KCMF1: variants seen among roughly 807,000 people sequenced by gnomAD.
KCMF1 encodes the protein E3 ubiquitin-protein ligase KCMF1.
In KCMF1, 3 loss-of-function variants were observed where a neutral mutation model predicts 41.1. That is an observed-to-expected ratio of 0.07 (90% CI 0.03 to 0.19). The LOEUF (loss-of-function observed/expected upper bound fraction) is 0.19. Ranked by LOEUF, KCMF1 falls within the 10% of genes least tolerant of loss-of-function variation. The probability of loss-of-function intolerance (pLI) is 1.00; values close to 1 mark genes in which losing one functional copy is unlikely to be tolerated. For synonymous variants in KCMF1, 142 were observed against 164.5 expected (o/e 0.86, Z 1.04); for missense variants, 286 against 488.9 (o/e 0.58, Z 3.91).
chr2:84,998,136 A>T (rs1460112997), intron 1 of KCMF1, among the ~76,000 whole-genome samples: 3 of 151,504 alleles, frequency 2.0e-5, no homozygotes, highest in Non-Finnish European at 4.4e-5. Context: ...TTGTTGCCCA[A>T]GCTGGAGTGC....
At chr2:85,022,886 C>CTT (rs34732141) in intron 1 of KCMF1, among the ~76,000 whole-genome samples, 3,671 of 111,710 alleles carry the variant, frequency 0.033, 310 homozygotes, top group African/African-American at 0.089. Flanking sequence ...TGTATGTATT[C>CTT]TTTTTTTTTT....
intron 6 of KCMF1, 49 bp from the exon 7 acceptor site, chr2:85,053,099 T>C (rs1675846135): frequency 6.5e-7 from 1 of 1,528,224 alleles, no homozygotes; most frequent in East Asian, 2.4e-5. Context: ...GCCATGCCAT[T>C]GTTCATTGAC....
intron 1 of KCMF1, among the ~76,000 whole-genome samples, chr2:84,979,587 A>G (rs187689489): frequency 1.6e-4 from 24 of 152,020 alleles, no homozygotes; most frequent in Non-Finnish European, 3.4e-4. Context: ...TATGGACTCA[A>G]AGGAAGCGCT....
At chr2:84,974,702 T>TTTTTA (rs1673501385) in intron 1 of KCMF1, among the ~76,000 whole-genome samples, 1 of 78,400 alleles carries the variant, frequency 1.3e-5, no homozygotes, top group African/African-American at 4.9e-5. Flanking sequence ...TTTTTTTTTT[T>TTTTTA]TTTTTTTTTT....
intron 1 of KCMF1, among the ~76,000 whole-genome samples, chr2:84,983,790 C>T (rs1269363110): frequency 2.6e-5 from 4 of 152,040 alleles, no homozygotes; most frequent in Non-Finnish European, 4.4e-5. Context: ...GGATTACAGG[C>T]GTGAGCCACT....
At chr2:85,045,148 G>A (rs867510328) in intron 4 of KCMF1, among the ~76,000 whole-genome samples, 3 of 152,064 alleles carry the variant, frequency 2.0e-5, no homozygotes, top group South Asian at 4.1e-4. Flanking sequence ...GCTGAGGTAG[G>A]AGGATCACTT....
intron 1 of KCMF1, among the ~76,000 whole-genome samples, chr2:85,020,032 C>A (rs1674891504): frequency 6.6e-6 from 1 of 152,064 alleles, no homozygotes; most frequent in South Asian, 2.1e-4. Context: ...AGGCTACCAC[C>A]CCCTATCCCT....
intron 3 of KCMF1, among the ~76,000 whole-genome samples, chr2:85,039,217 A>G (rs1675469367): frequency 6.6e-6 from 1 of 152,264 alleles, no homozygotes; most frequent in African/African-American, 2.4e-5. Flanking sequence ...TCAGAACTTT[A>G]ACTTTACCAA....
At chr2:85,008,282 G>GATATATAATATATAATATATAAT (rs1204669343) in intron 1 of KCMF1, among the ~76,000 whole-genome samples, 1 of 75,826 alleles carries the variant, frequency 1.3e-5, no homozygotes, top group Non-Finnish European at 2.5e-5. Flanking sequence ...TATATAATAT[G>GATATATAATATATAATATATAAT]ATATATAATA....
chr2:85,048,244 T>C (rs1558587415), intron 5 of KCMF1, among the ~76,000 whole-genome samples: 1 of 152,222 alleles, frequency 6.6e-6, no homozygotes, highest in Admixed American at 6.5e-5. Context: ...ACAAGCCTAA[T>C]AAACTGAGTT....
At chr2:85,018,681 G>A (rs1674849262) in intron 1 of KCMF1, among the ~76,000 whole-genome samples, 1 of 151,524 alleles carries the variant, frequency 6.6e-6, no homozygotes, top group South Asian at 2.1e-4. Context: ...ATTTTTTAAT[G>A]TAATGGATGT....
chr2:85,005,625 A>G (rs952022686), intron 1 of KCMF1, among the ~76,000 whole-genome samples: 1 of 152,160 alleles, frequency 6.6e-6, no homozygotes, highest in African/African-American at 2.4e-5. Context: ...CGTGATAATT[A>G]TACATATTTC....
intron 1 of KCMF1, among the ~76,000 whole-genome samples, chr2:84,978,501 GTT>G (rs370147575): frequency 3.5e-5 from 5 of 141,128 alleles, no homozygotes; most frequent in African/African-American, 1.3e-4. Flanking sequence ...TGGTTTTTGG[GTT>G]TTTTTTTTTT....
Position 84,985,737 on chromosome 2 carries a change from G to C in KCMF1, c.16+14270G>C, listed in dbSNP as rs1055875529. 1.4e-4 allele frequency among the ~76,000 whole-genome samples: 21 copies of C among 152,010 alleles called. No homozygotes were observed. In the South Asian group the frequency reaches 4.2e-3, roughly 30 times the overall value. ...CCAGCTACTGGGGAGACTGAGGCAG[G>C]AGAATAGCTTGAAACCAGAAGGCGG... On this transcript the variant is annotated intron_variant, in intron 1 of 6. Coordinates refer to ENST00000409785, the MANE Select transcript of KCMF1 (RefSeq NM_020122.5).
intron 1 of KCMF1, among the ~76,000 whole-genome samples, chr2:85,014,373 G>A (rs932294191): frequency 2.0e-5 from 3 of 152,162 alleles, no homozygotes; most frequent in Non-Finnish European, 4.4e-5. Context: ...CAAAAGATAT[G>A]CTTCAGTAGG....
chr2:85,053,041 A>G, intron 6 of KCMF1, 107 bp from the exon 7 acceptor site: 1 of 967,412 alleles, frequency 1.0e-6, no homozygotes, highest in African/African-American at 1.6e-5. Flanking sequence ...TCTCATTCTG[A>G]ATTTTGCCAC....
chr2:84,995,680 C>T (rs1239643276), intron 1 of KCMF1, among the ~76,000 whole-genome samples: 1 of 152,098 alleles, frequency 6.6e-6, no homozygotes, highest in Non-Finnish European at 1.5e-5. Context: ...TGGCTGAGCA[C>T]GATGGCTCAT....
At chr2:85,046,428 A>G in intron 5 of KCMF1, 150 bp downstream of exon 5, 2 of 564,040 alleles carry the variant, frequency 3.5e-6, no homozygotes, top group Non-Finnish European at 6.2e-6. Flanking sequence ...CCAGGAATTC[A>G]AGACCAGCCT....
intron 1 of KCMF1, among the ~76,000 whole-genome samples, chr2:84,979,020 G>A (rs1673631023): frequency 6.6e-6 from 1 of 151,250 alleles, no homozygotes; most frequent in Non-Finnish European, 1.5e-5. Flanking sequence ...GCTAATTTTT[G>A]TATTTTTAGT....
Sources: gnomAD v4.1 joint callset for allele counts (sites outside exome capture counted in the v4.1 genomes callset) on GRCh38, gnomAD v4.1.1 for gene constraint, MANE v1.5 for transcripts, NCBI Gene and HGNC (gene_info 2026-07-23, HGNC 2026-07-21) for gene names.